The following ATG4C variants were observed in gnomAD, a reference collection of about 807,000 sequenced individuals.
ATG4C encodes the protein cysteine protease ATG4C.
Under a neutral mutation model 57.6 loss-of-function variants are expected in ATG4C, and 56 were observed. That is an observed-to-expected ratio of 0.97 (90% CI 0.78 to 1.21). ATG4C has a LOEUF of 1.21. Among genes scored for constraint, ATG4C ranks in the 50% most tolerant of loss-of-function variants. The pLI is 0.00. For missense variants in ATG4C, 595 were observed against 529.8 expected, an observed-to-expected ratio of 1.12 and a Z score of -1.21; for synonymous variants, 157 against 174.1, an observed-to-expected ratio of 0.90 and a Z score of 0.78.
chr1:62,864,228 A>G lies in ATG4C; in HGVS notation c.*69A>G, dbSNP rs1666940608. On this transcript the variant is annotated 3_prime_UTR_variant, in exon 11 of 11. Coordinates refer to ENST00000317868, the MANE Select transcript of ATG4C (RefSeq NM_032852.4). ...GGGAAAAATGAAGAGAAACAAGTAT[A>G]TCTGAAATGTTTATTTTCACAAATA... 1 of 1,256,742 alleles carries G rather than the reference A, an allele frequency of 8.0e-7. No individual in the cohort carries two copies. Among genetic ancestry groups the G allele is most frequent in the African/African-American group, 1.6e-5 (1 of 63,912 alleles). 77.8% of individuals were successfully genotyped at this position (1,256,742 alleles called of 1,614,324 possible). A position where few individuals can be genotyped will look rare whatever the true frequency, so the allele number is the denominator to read the frequency against.
chr1:62,792,001 C>T (rs1220444562), intron 1 of ATG4C, among the ~76,000 whole-genome samples: 1 of 151,952 alleles, frequency 6.6e-6, no homozygotes, highest in Admixed American at 6.6e-5. Flanking sequence ...TTTATCTACT[C>T]TTTTCTTTTT....
At chr1:62,789,386 G>A (rs985735808) in intron 1 of ATG4C, among the ~76,000 whole-genome samples, 1 of 152,146 alleles carries the variant, frequency 6.6e-6, no homozygotes, top group African/African-American at 2.4e-5. Context: ...CCACATTGGT[G>A]TTTGAGCACT....
chr1:62,787,298 G>A (rs1014492756), intron 1 of ATG4C, among the ~76,000 whole-genome samples: 3 of 152,094 alleles, frequency 2.0e-5, no homozygotes, highest in African/African-American at 7.2e-5. Flanking sequence ...CTACATGAAA[G>A]CATCTGGAAA....
intron 3 of ATG4C, among the ~76,000 whole-genome samples, chr1:62,813,313 G>C (rs372854845): frequency 1.3e-5 from 2 of 152,112 alleles, no homozygotes; most frequent in East Asian, 3.9e-4. Flanking sequence ...ACAACCATCT[G>C]ATCCTTGACA....
At chr1:62,858,852 G>C (rs767561010) in intron 10 of ATG4C, among the ~76,000 whole-genome samples, 3 of 152,142 alleles carry the variant, frequency 2.0e-5, no homozygotes, top group Non-Finnish European at 4.4e-5. Context: ...AAATAGGATA[G>C]TTAACATCAC....
chr1:62,819,224 G>A lies in ATG4C; in HGVS notation c.614G>A (p.Gly205Asp). 6.2e-7 allele frequency: 1 copy of A among 1,613,562 alleles called. No homozygotes were observed. The highest frequency in any genetic ancestry group is 8.5e-7 in the Non-Finnish European group (1 of 1,179,684). Residue 205 changes from glycine to aspartate, a missense_variant, in exon 5 of 11, where the codon GGT becomes GAT. Physicochemically the swap from Gly to Asp is moderately conservative, Grantham distance 94 (BLOSUM62 -1). Transcript: ENST00000317868. ...CATAGGAAAATCATCTCTTGGTTTG[G>A]TGATTCCCCCTTGGCTCTTTTTGGC... ...VYHRKIISWF[G>D]DSPLALFGLH...
chr1:62,786,356 C>G (rs1257090977), intron 1 of ATG4C, among the ~76,000 whole-genome samples: 1 of 152,132 alleles, frequency 6.6e-6, no homozygotes, highest in East Asian at 1.9e-4. Context: ...GAGATGTAAA[C>G]TTTCCCTTCA....
chr1:62,821,370 G>A (rs1427546728), intron 6 of ATG4C, among the ~76,000 whole-genome samples, 161 bp downstream of exon 6: 3 of 151,874 alleles, frequency 2.0e-5, no homozygotes, highest in African/African-American at 7.3e-5. Flanking sequence ...AATATTTTTT[G>A]ATTGAATACA....
rs928681375 is a variant in ATG4C, at chr1:62,865,167, T to A, written c.*1008T>A. On this transcript the variant is annotated 3_prime_UTR_variant, in exon 11 of 11. Transcript: ENST00000317868. Reference sequence around the variant, plus strand: ...TGTGAGAAGATAAAATGCTTTTGTTTTGGTTTTAATGTTGGGATTATTTTA... The same window carrying A: ...TGTGAGAAGATAAAATGCTTTTGTTATGGTTTTAATGTTGGGATTATTTTA... The A allele has an allele frequency of 1.1e-4, 16 of 151,918 alleles. No individual in the cohort carries two copies. The highest frequency in any genetic ancestry group is 1.6e-4 in the Non-Finnish European group (11 of 67,808). The allele number at this position is 151,918 out of a possible 1,614,324, so 9.4% of individuals were successfully genotyped here. A position where few individuals can be genotyped will look rare whatever the true frequency, so the allele number is the denominator to read the frequency against.
chr1:62,834,976 T>C, intron 9 of ATG4C, 124 bp downstream of exon 9: 2 of 735,312 alleles, frequency 2.7e-6, no homozygotes, highest in Non-Finnish European at 4.4e-6. Context: ...AATATTTTAC[T>C]GATCTATAGA....
At chr1:62,792,413 TGGGGGATAGGGAGGTTAGG>T (rs1454110038) in intron 1 of ATG4C, among the ~76,000 whole-genome samples, 1 of 152,278 alleles carries the variant, frequency 6.6e-6, no homozygotes, top group African/African-American at 2.4e-5. Flanking sequence ...AAGAGAAGAT[TGGGGGATAGGGAGGTTAGG>T]AGGTATGTCT....
rs1665761857 is a variant in ATG4C, at chr1:62,829,138, G to A, written c.895G>A (p.Gly299Arg). The A allele has an allele frequency of 6.2e-7, 1 of 1,613,086 alleles. No individual in the cohort carries two copies. Among genetic ancestry groups the A allele is most frequent in the South Asian group, 1.1e-5 (1 of 90,960 alleles). Residue 299 changes from glycine (G) to arginine (R), a missense_variant, in exon 7 of 11, where the codon GGA becomes AGA. Physicochemically the swap from Gly to Arg is moderately radical, Grantham distance 125 (BLOSUM62 -2). Coordinates refer to ENST00000317868, the MANE Select transcript of ATG4C (RefSeq NM_032852.4). ...TATTCTAGTTCCTGTTAGACTTGGT[G>A]GAGAAAGAACCAACACCGACTACTT... ...VIILVPVRLG[G>R]ERTNTDYLEF...
At chr1:62,790,263 C>A (rs373538228) in intron 1 of ATG4C, among the ~76,000 whole-genome samples, 52 of 152,288 alleles carry the variant, frequency 3.4e-4, no homozygotes, top group African/African-American at 1.3e-3. Flanking sequence ...ACCTTCAATT[C>A]AAATTCAACA....
intron 3 of ATG4C, among the ~76,000 whole-genome samples, chr1:62,811,926 A>G (rs909049903): frequency 3.9e-5 from 6 of 152,186 alleles, no homozygotes; most frequent in Non-Finnish European, 8.8e-5. Context: ...TGATTTTATT[A>G]TACATCATTT....
At position 62,841,535 on chromosome 1, in the gene ATG4C, A is replaced by G. The variant is rs1378265203; in HGVS notation, c.1197A>G (p.Glu399=). The G allele has an allele frequency of 6.3e-7, 1 of 1,587,964 alleles. No individual in the cohort carries two copies. Among genetic ancestry groups the G allele is most frequent in the Non-Finnish European group, 8.6e-7 (1 of 1,167,078 alleles). ...TTCAGGACTTCAAACGAGCTTCTGA[A>G]GAAATCACCAAGGTATCTTTATTTA... The part of the protein sequence containing the change: ...RNVQDFKRAS[E]EITKMLKFSS... Residue 399 remains glutamate, a synonymous_variant, in exon 10 of 11, where the codon GAA becomes GAG. Transcript: ENST00000317868.
chr1:62,829,818 C>G (rs1341469751), intron 7 of ATG4C, among the ~76,000 whole-genome samples: 1 of 152,002 alleles, frequency 6.6e-6, no homozygotes, highest in Non-Finnish European at 1.5e-5. Flanking sequence ...GAAATAGTTT[C>G]TGATTAAGGC....
intron 4 of ATG4C, 140 bp from the exon 5 acceptor site, chr1:62,818,865 T>G: frequency 1.6e-6 from 1 of 640,584 alleles, no homozygotes; most frequent in Non-Finnish European, 2.5e-6. Flanking sequence ...TAATCTACTT[T>G]TTGTTTCCAT....
chr1:62,795,592 A>G (rs1177383587), intron 1 of ATG4C, among the ~76,000 whole-genome samples: 1 of 152,240 alleles, frequency 6.6e-6, no homozygotes, highest in East Asian at 1.9e-4. Context: ...TTAACAATGC[A>G]CAGAAATATG....
rs528290090 is a variant in ATG4C at position 62,855,293 on chromosome 1, C to A, written c.1210-8699C>A. Among the ~76,000 whole-genome samples, 6 of 152,258 alleles carry A rather than the reference C, an allele frequency of 3.9e-5. No homozygotes were observed. In the East Asian group the frequency reaches 1.2e-3, roughly 29 times the overall value. On this transcript the variant is annotated intron_variant, in intron 10 of 10. Coordinates refer to ENST00000317868, the MANE Select transcript of ATG4C (RefSeq NM_032852.4). ...ACAAACTTAGGTTGTATTTCCCCTG[C>A]TCTGCTGTGCTGTAAATGGCCTGAT...
Sources: allele counts gnomAD v4.1 joint callset (sites outside exome capture counted in the v4.1 genomes callset), GRCh38; gene constraint gnomAD v4.1.1; transcripts MANE v1.5; gene names NCBI Gene and HGNC (gene_info 2026-07-23, HGNC 2026-07-21).